TEX2: variants seen among roughly 807,000 people sequenced by gnomAD.
TEX2 encodes testis expressed 2.
In TEX2, 53 loss-of-function variants were observed where a neutral mutation model predicts 106.9. The observed-to-expected ratio is 0.50, with a 90% CI of 0.40 to 0.62. The LOEUF is 0.62. Ranked by LOEUF, TEX2 falls within the 20% of genes least tolerant of loss-of-function variation. TEX2 has a pLI of 0.00. For missense variants in TEX2, 1,207 were observed against 1,379.0 expected, an observed-to-expected ratio of 0.88 and a Z score of 1.98; for synonymous variants, 523 against 534.8, an observed-to-expected ratio of 0.98 and a Z score of 0.30.
At chr17:64,259,791 A>AATAT (rs1402310112) in intron 1 of TEX2, among the ~76,000 whole-genome samples, 1 of 152,234 alleles carries the variant, frequency 6.6e-6, no homozygotes, top group East Asian at 1.9e-4. Context: ...ACCTATAAAT[A>AATAT]ATATACTACC....
chr17:64,151,800 A>G (rs529516669), intron 10 of TEX2, among the ~76,000 whole-genome samples: 1 of 152,324 alleles, frequency 6.6e-6, no homozygotes, highest in South Asian at 2.1e-4. Flanking sequence ...ATTGGCAGTA[A>G]GGAGAAGAAA....
At chr17:64,186,009 C>G (rs1192006348) in intron 5 of TEX2, among the ~76,000 whole-genome samples, 1 of 152,156 alleles carries the variant, frequency 6.6e-6, no homozygotes, top group Non-Finnish European at 1.5e-5. Flanking sequence ...AACAAGAGAG[C>G]CCCTGACAGC....
At chr17:64,200,615 T>G (rs2143952023) in intron 2 of TEX2, among the ~76,000 whole-genome samples, 1 of 152,246 alleles carries the variant, frequency 6.6e-6, no homozygotes, top group African/African-American at 2.4e-5. Flanking sequence ...AATTCAGGAA[T>G]CCCAGAACAA....
At chr17:64,239,485 A>G (rs1179487738) in intron 1 of TEX2, among the ~76,000 whole-genome samples, 1 of 152,228 alleles carries the variant, frequency 6.6e-6, no homozygotes, top group African/African-American at 2.4e-5. Flanking sequence ...TTTTCTGTCA[A>G]ATGCTTACTG....
intron 1 of TEX2, among the ~76,000 whole-genome samples, chr17:64,257,312 C>T (rs1555637872): frequency 1.3e-5 from 2 of 152,228 alleles, no homozygotes; most frequent in African/African-American, 2.4e-5. Context: ...TGACCTGGCA[C>T]ATGGCTTTTG....
At position 64,153,806 on chromosome 17, in the gene TEX2, T is replaced by A. The variant is rs770592508; in HGVS notation, c.2931-652A>T. 1.3e-5 allele frequency among the ~76,000 whole-genome samples: 2 copies of A among 152,062 alleles called. No individual in the cohort carries two copies. The highest frequency in any genetic ancestry group is 2.9e-5 in the Non-Finnish European group (2 of 68,014). ...AATTAGCCAGGAGTGGTGGTGTGCATCTGTAGTCCCAGCTACTCGGGAGGC... is the reference window on the plus strand; with the variant it reads ...AATTAGCCAGGAGTGGTGGTGTGCAACTGTAGTCCCAGCTACTCGGGAGGC... On this transcript the variant is annotated intron_variant, in intron 9 of 11. Coordinates refer to ENST00000584379, the MANE Select transcript of TEX2 (RefSeq NM_001288732.2). This position sits in a 1 kb window ranked among gnomAD's most constrained non-coding sequence, Gnocchi z 4.1.
At chr17:64,167,938 T>C (rs913900309) in intron 7 of TEX2, among the ~76,000 whole-genome samples, 1 of 152,230 alleles carries the variant, frequency 6.6e-6, no homozygotes, top group African/African-American at 2.4e-5. Flanking sequence ...AAACCAGTGC[T>C]GCCTCTTGCC....
intron 1 of TEX2, among the ~76,000 whole-genome samples, chr17:64,216,732 AG>A (rs2033199663): frequency 6.6e-6 from 1 of 152,192 alleles, no homozygotes; most frequent in South Asian, 2.1e-4. Context: ...CTCAGGAAGC[AG>A]AGTTATTTTT....
At chr17:64,208,864 T>C (rs1459613959) in intron 2 of TEX2, among the ~76,000 whole-genome samples, 2 of 152,140 alleles carry the variant, frequency 1.3e-5, no homozygotes, top group Non-Finnish European at 2.9e-5. Context: ...TGGCTTCAGG[T>C]GATCCTTCTG....
intron 2 of TEX2, among the ~76,000 whole-genome samples, chr17:64,197,388 G>T (rs149984934): frequency 1.7e-3 from 265 of 152,032 alleles, no homozygotes; most frequent in African/African-American, 6.0e-3. Context: ...TATCTATGTT[G>T]TCCAATTTCT....
At chr17:64,151,281 T>C (rs1474640567) in intron 10 of TEX2, among the ~76,000 whole-genome samples, 1 of 152,102 alleles carries the variant, frequency 6.6e-6, no homozygotes, top group Non-Finnish European at 1.5e-5. Flanking sequence ...TTTCTTTCAA[T>C]TTTTATAAAA....
rs2033639887 is a variant in TEX2 at position 64,230,834 on chromosome 17, CCTA to C, written c.-25-16595_-25-16593del. The C allele has an allele frequency of 7.2e-5, 11 of 152,296 alleles. 1 individual carries two copies. In the South Asian group the frequency reaches 2.3e-3, roughly 32 times the overall value. The allele number at this position is 152,296 out of a possible 1,614,324, so 9.4% of individuals were successfully genotyped here. On this transcript the variant is annotated intron_variant, in intron 1 of 11. Coordinates refer to ENST00000584379, the MANE Select transcript of TEX2 (RefSeq NM_001288732.2). ...CCATGGAACAGAACATACTTAGAGT[CCTA>C]CTTTTCTCTTTTGTAACAAGAGAAA...
chr17:64,214,077 T>TTCCTCC lies in TEX2; in HGVS notation c.135_140dup (p.Glu50_Glu51dup), dbSNP rs782264894. The TTCCTCC allele has an allele frequency of 6.2e-7, 1 of 1,614,056 alleles. No homozygotes were observed. The highest frequency in any genetic ancestry group is 1.1e-5 in the South Asian group (1 of 91,064). On this transcript the variant is annotated inframe_insertion, in exon 2 of 12. Transcript: ENST00000584379. ...AGTACTCCCTGAACTCCTCCTCCTCTTCCTCCTCCTCCTCGCCGGATGCCG... is the reference window on the plus strand; with the variant it reads ...AGTACTCCCTGAACTCCTCCTCCTCTTCCTCCTCCTCCTCCTCCTCGCCGGATGCCG...
At chr17:64,173,116 A>G (rs906157857) in intron 6 of TEX2, among the ~76,000 whole-genome samples, 6 of 152,188 alleles carry the variant, frequency 3.9e-5, no homozygotes, top group Admixed American at 3.9e-4. Context: ...CTGTTCCGCC[A>G]TCTTTAAGTG....
intron 1 of TEX2, among the ~76,000 whole-genome samples, chr17:64,229,816 T>C (rs553980643): frequency 6.6e-6 from 1 of 152,252 alleles, no homozygotes; most frequent in Non-Finnish European, 1.5e-5. Flanking sequence ...CAAATCATAT[T>C]AGGAAATTAG....
chr17:64,214,472 A>AC (rs2143105317), intron 1 of TEX2, among the ~76,000 whole-genome samples: 1 of 152,326 alleles, frequency 6.6e-6, no homozygotes, highest in South Asian at 2.1e-4. Flanking sequence ...TAAATGCCAT[A>AC]CAATCTGTCT....
intron 1 of TEX2, among the ~76,000 whole-genome samples, chr17:64,215,232 T>G (rs2033149006): frequency 6.6e-6 from 1 of 152,202 alleles, no homozygotes; most frequent in African/African-American, 2.4e-5. Context: ...CTAGCCCTAC[T>G]ATGTAAAAAT....
In TEX2 at chr17:64,172,752, C is replaced by T. The variant is rs143226826; in HGVS notation, c.2572-1553G>A. Among the ~76,000 whole-genome samples the T allele has an allele frequency of 2.5e-3, 380 of 152,262 alleles. 1 individual carries two copies. Among genetic ancestry groups the T allele is most frequent in the African/African-American group, 8.7e-3 (362 of 41,552 alleles). ...ATCTGCCCACACCTTTATAAATCTTCCCTTCAGCAAACTCTCCCCAGAGTT... is the reference window on the plus strand; with the variant it reads ...ATCTGCCCACACCTTTATAAATCTTTCCTTCAGCAAACTCTCCCCAGAGTT... On this transcript the variant is annotated intron_variant, in intron 6 of 11. Coordinates refer to ENST00000584379, the MANE Select transcript of TEX2 (RefSeq NM_001288732.2).
chr17:64,179,782 G>T (rs1426104174), intron 5 of TEX2, among the ~76,000 whole-genome samples: 1 of 147,128 alleles, frequency 6.8e-6, no homozygotes, highest in Non-Finnish European at 1.5e-5. Context: ...AAAAAAAAAT[G>T]GTTTAAAAAA....
Sources: gnomAD v4.1 joint callset for allele counts (sites outside exome capture counted in the v4.1 genomes callset) on GRCh38, gnomAD v4.1.1 for gene constraint, Gnocchi (gnomAD v3.1) non-coding constraint, MANE v1.5 for transcripts, NCBI Gene and HGNC (gene_info 2026-07-23, HGNC 2026-07-21) for gene names.